Variants in DDAH1 observed in about 807,000 individuals in gnomAD.
DDAH1 encodes N(G),N(G)-dimethylarginine dimethylaminohydrolase 1.
In DDAH1, 19 loss-of-function variants were observed where a neutral mutation model predicts 28.8. The observed-to-expected ratio is 0.66, with a 90% CI of 0.46 to 0.97. The LOEUF is 0.97. DDAH1 is among the 50% of genes least tolerant of loss of function. The probability of loss-of-function intolerance (pLI) is 0.00; values close to 1 mark genes in which losing one functional copy is unlikely to be tolerated. For synonymous variants in DDAH1, 153 were observed against 154.4 expected (o/e 0.99, Z 0.07); for missense variants, 326 against 375.9 (o/e 0.87, Z 1.10).
At chr1:85,512,616 C>A (rs1266255268) in intron 1 of DDAH1, among the ~76,000 whole-genome samples, 9 of 152,172 alleles carry the variant, frequency 5.9e-5, no homozygotes, top group Non-Finnish European at 5.9e-5. Context: ...GTCTCAGCCC[C>A]AAATCTCCTT....
chr1:85,359,066 CTAG>C (rs1175844980), intron 1 of DDAH1, among the ~76,000 whole-genome samples: 2 of 152,162 alleles, frequency 1.3e-5, no homozygotes, highest in Non-Finnish European at 2.9e-5. Flanking sequence ...TTGTTCCCTT[CTAG>C]TGTAAGATTG....
intron 1 of DDAH1, among the ~76,000 whole-genome samples, chr1:85,437,314 C>T (rs751163576): frequency 5.3e-5 from 8 of 152,080 alleles, no homozygotes; most frequent in South Asian, 4.2e-4. Context: ...TATCAACTGC[C>T]GGATATTTAA....
At chr1:85,552,891 C>G (rs956927982) in intron 1 of DDAH1, among the ~76,000 whole-genome samples, 3 of 152,024 alleles carry the variant, frequency 2.0e-5, no homozygotes, top group African/African-American at 7.2e-5. Context: ...AGAAATGGAG[C>G]CTAACTTCTC....
rs1000054995 is a variant in DDAH1, at chr1:85,379,746, C to T, written c.304-20899G>A. ...CCAAACCTGCTGGCATCCTTACTTT[C>T]CAACTCAGTTAATGTCATCACTGTC... On this transcript the variant is annotated intron_variant, in intron 1 of 5. Coordinates refer to ENST00000284031, the MANE Select transcript of DDAH1 (RefSeq NM_012137.4). The T allele has an allele frequency of 6.2e-6, 6 of 974,792 alleles. 1 individual carries two copies. In the South Asian group the frequency reaches 2.9e-4, roughly 46 times the overall value. The allele number at this position is 974,792 out of a possible 1,614,324, so 60.4% of individuals were successfully genotyped here.
rs960577922 is a variant in DDAH1, at chr1:85,319,859, A to T, written c.*1593T>A. 6 of 25,170 alleles carry T rather than the reference A, an allele frequency of 2.4e-4. No homozygotes were observed. The highest frequency in any genetic ancestry group is 6.5e-4 in the African/African-American group (5 of 7,664). The allele number at this position is 25,170 out of a possible 1,614,324, so 1.6% of individuals were successfully genotyped here. On this transcript the variant is annotated 3_prime_UTR_variant, in exon 6 of 6. Transcript: ENST00000284031. ...GTTAAGGATGTTTTCATTTTCTCAG[A>T]GGTTTCTCCTTCCATCTGCTACGGG...
intron 1 of DDAH1, among the ~76,000 whole-genome samples, chr1:85,366,097 TAA>T (rs745539966): frequency 2.8e-5 from 4 of 140,770 alleles, no homozygotes; most frequent in Admixed American, 1.4e-4. Flanking sequence ...TGATAGCTGG[TAA>T]AAAAAAAAAA....
chr1:85,349,941 G>A (rs1649104621), intron 4 of DDAH1, among the ~76,000 whole-genome samples: 1 of 152,158 alleles, frequency 6.6e-6, no homozygotes, highest in African/African-American at 2.4e-5. Context: ...TATTCCAAAT[G>A]CAAATGAAGA....
chr1:85,400,228 T>C (rs1652022037), intron 1 of DDAH1, among the ~76,000 whole-genome samples: 1 of 79,812 alleles, frequency 1.3e-5, no homozygotes, highest in Admixed American at 1.4e-4. Flanking sequence ...TCTCAATCTG[T>C]TGCCCAGGCT....
At chr1:85,507,342 A>G (rs1657050947) in intron 1 of DDAH1, among the ~76,000 whole-genome samples, 1 of 152,084 alleles carries the variant, frequency 6.6e-6, no homozygotes, top group Non-Finnish European at 1.5e-5. Context: ...GTCTCTACAG[A>G]AAATACAAAA....
At position 85,563,553 on chromosome 1, in the gene DDAH1, G is replaced by A. The variant is rs533715497; in HGVS notation, c.-123+14431C>T. Among the ~76,000 whole-genome samples the A allele has an allele frequency of 7.2e-5, 11 of 152,266 alleles. No individual in the cohort carries two copies. The South Asian group carries it at 2.3e-3, about 32-fold the overall frequency. The stretch of plus-strand genomic sequence containing the variant: ...AGCATTAAACAGTTTCCAAGTAACT[G>A]TGTTCCAAAACAAAATTCAAGAATA... On this transcript the variant is annotated intron_variant, in intron 1 of 6. Transcript: ENST00000426972.
intron 2 of DDAH1, among the ~76,000 whole-genome samples, chr1:85,354,893 GAGAAC>G (rs1321032098): frequency 3.3e-5 from 5 of 151,884 alleles, no homozygotes; most frequent in Non-Finnish European, 5.9e-5. Context: ...TAGAAAAAAA[GAGAAC>G]AGAGTAAAAA....
chr1:85,339,921 A>G (rs1182882654), intron 4 of DDAH1, among the ~76,000 whole-genome samples: 1 of 152,158 alleles, frequency 6.6e-6, no homozygotes, highest in African/African-American at 2.4e-5. Flanking sequence ...AGACTATCAC[A>G]TAGGTCATGC....
intron 4 of DDAH1, among the ~76,000 whole-genome samples, chr1:85,346,874 A>C (rs1236296344): frequency 6.6e-6 from 1 of 152,178 alleles, no homozygotes; most frequent in Non-Finnish European, 1.5e-5. Context: ...CATCTGACAA[A>C]GGGTTAATAT....
intron 3 of DDAH1, among the ~76,000 whole-genome samples, 187 bp downstream of exon 3, chr1:85,351,319 G>A (rs1312214239): frequency 1.3e-5 from 2 of 152,186 alleles, no homozygotes; most frequent in Non-Finnish European, 2.9e-5. Context: ...GTAGCCCAGT[G>A]AAGCTGAATT....
At chr1:85,520,208 T>C (rs1214705911) in intron 1 of DDAH1, among the ~76,000 whole-genome samples, 1 of 152,176 alleles carries the variant, frequency 6.6e-6, no homozygotes, top group Non-Finnish European at 1.5e-5. Context: ...ATCTGAAACA[T>C]GGTACAAGAT....
At chr1:85,438,934 T>C (rs908655571) in intron 1 of DDAH1, among the ~76,000 whole-genome samples, 2 of 152,184 alleles carry the variant, frequency 1.3e-5, no homozygotes, top group Non-Finnish European at 2.9e-5. Context: ...AGGATGGGTA[T>C]TGAACTCAAA....
At chr1:85,439,509 T>A (rs888719964) in intron 1 of DDAH1, among the ~76,000 whole-genome samples, 1 of 152,254 alleles carries the variant, frequency 6.6e-6, no homozygotes, top group Admixed American at 6.5e-5. Flanking sequence ...TCCTGCACAT[T>A]ATACGTATCA....
intron 1 of DDAH1, among the ~76,000 whole-genome samples, chr1:85,509,841 A>G (rs1657160292): frequency 6.6e-6 from 1 of 152,222 alleles, no homozygotes; most frequent in Admixed American, 6.5e-5. Flanking sequence ...TGACTATGTG[A>G]AAAGACCAAA....
At chr1:85,358,658 CAAAA>C in intron 2 of DDAH1, 86 bp downstream of exon 2, 8 of 1,076,024 alleles carry the variant, frequency 7.4e-6, no homozygotes, top group South Asian at 1.6e-5. Flanking sequence ...AAAACAAAAA[CAAAA>C]AAACACAAAA....
Sources: allele counts gnomAD v4.1 joint callset (sites outside exome capture counted in the v4.1 genomes callset), GRCh38; gene constraint gnomAD v4.1.1; transcripts MANE v1.5; gene names NCBI Gene and HGNC (gene_info 2026-07-23, HGNC 2026-07-21).